DTYMK: variants seen among roughly 807,000 people sequenced by gnomAD.
DTYMK encodes deoxythymidylate kinase.
Under a neutral mutation model 20.3 loss-of-function variants are expected in DTYMK, and 20 were observed. The observed-to-expected ratio is 0.99, with a 90% CI of 0.69 to 1.43. The LOEUF (loss-of-function observed/expected upper bound fraction) is 1.43, where lower values mean the gene tolerates loss of function less well. Ranked by LOEUF, DTYMK falls within the 40% of genes most tolerant of loss-of-function variation. The pLI, the probability that DTYMK is intolerant of heterozygous loss-of-function variation, is 0.00. For synonymous variants in DTYMK, 148 were observed against 124.4 expected, an observed-to-expected ratio of 1.19 and a Z score of -1.27; for missense variants, 320 against 291.1, an observed-to-expected ratio of 1.10 and a Z score of -0.72.
Position 241,686,699 on chromosome 2 carries a change from C to T in DTYMK, c.85G>A (p.Ala29Thr), listed in dbSNP as rs758841162. 5.2e-6 allele frequency: 8 copies of T among 1,540,252 alleles called. No homozygotes were observed. The Admixed American group carries it at 1.4e-4, about 26-fold the overall frequency. The stretch of plus-strand genomic sequence containing the variant: ...GCGCGGTGGCCCGCGGCGCACAGCG[C>T]TTCCACCAGCTTGCGGCTCTGCGTG... ...KSTQSRKLVEALCAAGHRAEL... is the reference protein window; with the variant it reads ...KSTQSRKLVETLCAAGHRAEL... The change falls in exon 1 of 5, where the codon GCG becomes ACG. Residue 29 changes from alanine to threonine, a missense_variant. Physicochemically the swap from Ala to Thr is moderately conservative, Grantham distance 58. Transcript: ENST00000305784.
intron 2 of DTYMK, among the ~76,000 whole-genome samples, chr2:241,681,508 A>C (rs1416385517): frequency 6.6e-6 from 1 of 152,014 alleles, no homozygotes; most frequent in Non-Finnish European, 1.5e-5. Flanking sequence ...TGGGCAATAT[A>C]GTGAGACCCC....
In DTYMK at chr2:241,686,696, G is replaced by A. The variant is rs1487172010; in HGVS notation, c.88C>T (p.Leu30=). The change falls in exon 1 of 5, where the codon CTG becomes TTG. Residue 30 remains leucine, a synonymous_variant. Transcript: ENST00000305784. Reference sequence around the variant, plus strand: ...TCGGCGCGGTGGCCCGCGGCGCACAGCGCTTCCACCAGCTTGCGGCTCTGC... The same window carrying A: ...TCGGCGCGGTGGCCCGCGGCGCACAACGCTTCCACCAGCTTGCGGCTCTGC... ...STQSRKLVEA[L]CAAGHRAELL... is the part of the protein sequence containing the mutation. 8 of 1,538,986 alleles carry A rather than the reference G, an allele frequency of 5.2e-6. No homozygotes were observed. The highest frequency in any genetic ancestry group is 6.9e-6 in the Non-Finnish European group (8 of 1,154,598).
intron 2 of DTYMK, chr2:241,682,822 G>A (rs1230493446): frequency 5.6e-6 from 1 of 177,514 alleles, no homozygotes. Context: ...TACTTGAGAG[G>A]CTGAGGCAGG....
At chr2:241,685,200 T>TA (rs200526915) in intron 2 of DTYMK, 7 of 150,692 alleles carry the variant, frequency 4.6e-5, no homozygotes, top group Non-Finnish European at 8.7e-5. Context: ...TACCTTGTCT[T>TA]AAAAATAAAA....
chr2:241,679,923 C>T (rs1170779403), intron 3 of DTYMK, among the ~76,000 whole-genome samples: 6 of 143,780 alleles, frequency 4.2e-5, no homozygotes, highest in African/African-American at 7.7e-5. Flanking sequence ...GAGCTGAGAT[C>T]GTGCCACTGC....
intron 2 of DTYMK, chr2:241,682,276 G>T (rs923165463): frequency 6.6e-6 from 3 of 453,940 alleles, no homozygotes; most frequent in Non-Finnish European, 1.3e-5. Flanking sequence ...GGGAGGTCGA[G>T]GCTGCAGTAA....
chr2:241,683,765 CAT>C (rs1404369688), intron 2 of DTYMK, among the ~76,000 whole-genome samples: 1 of 152,078 alleles, frequency 6.6e-6, no homozygotes, highest in Non-Finnish European at 1.5e-5. Context: ...GCAAAAAAGA[CAT>C]GAACTATTGG....
rs756218463 is a variant in DTYMK, at chr2:241,676,229, A to G, written c.537T>C (p.Asp179=). The G allele has an allele frequency of 1.2e-6, 2 of 1,611,322 alleles. No homozygotes were observed. The highest frequency in any genetic ancestry group is 1.7e-5 in the Admixed American group (1 of 59,850). The change falls in exon 5 of 5, where the codon GAT becomes GAC. Residue 179 remains aspartate, a synonymous_variant. Transcript: ENST00000305784. The part of the protein sequence containing the change: ...KDTTLNWKMV[D]ASKSIEAVHE... ...GGACAGCTTCGATGCTTTTGGAAGC[A>G]TCCACCATCTGTTCCCACCGGGGTT... is the stretch of plus-strand genomic sequence containing the variant.
At chr2:241,685,519 G>A (rs900680402) in intron 2 of DTYMK, 6 of 339,132 alleles carry the variant, frequency 1.8e-5, no homozygotes, top group Admixed American at 1.3e-4. Flanking sequence ...GCGGAACTCC[G>A]TCTAAAAAAA....
In DTYMK at chr2:241,675,893, AG is replaced by A; in HGVS notation, c.*233del. 2.3e-6 allele frequency: 1 copy of A among 433,384 alleles called. No individual in the cohort carries two copies. The highest frequency in any genetic ancestry group is 4.1e-6 in the Non-Finnish European group (1 of 243,562). 26.8% of individuals were successfully genotyped at this position (433,384 alleles called of 1,614,324 possible). On this transcript the variant is annotated 3_prime_UTR_variant, in exon 5 of 5. Coordinates refer to ENST00000305784, the MANE Select transcript of DTYMK (RefSeq NM_012145.4). The stretch of plus-strand genomic sequence containing the variant: ...ACAGAGTGCCATCAGGACAGGGGAG[AG>A]GGCAGGAGACTGCTCCATCGCTCTG...
intron 2 of DTYMK, chr2:241,682,150 GCAA>G: frequency 2.4e-6 from 1 of 416,118 alleles, no homozygotes; most frequent in Non-Finnish European, 4.8e-6. Flanking sequence ...ACCAGCCTGG[GCAA>G]CAATAGTGAG....
chr2:241,682,044 T>TA lies in DTYMK; in HGVS notation c.240-1726dup, dbSNP rs908715182. The TA allele has an allele frequency of 8.1e-4, 251 of 309,840 alleles. 1 individual carries two copies. Among genetic ancestry groups the TA allele is most frequent in the African/African-American group, 1.3e-3 (56 of 43,442 alleles). The allele number at this position is 309,840 out of a possible 1,614,324, so 19.2% of individuals were successfully genotyped here. ...GGGCAACAGAGCAAGACATTTCTCC[T>TA]AAAAAAAAATAAGGCCAGGCAGGGT... is the stretch of plus-strand genomic sequence containing the variant. On this transcript the variant is annotated intron_variant, in intron 2 of 4. Coordinates refer to ENST00000305784, the MANE Select transcript of DTYMK (RefSeq NM_012145.4).
chr2:241,683,814 G>A (rs965834081), intron 2 of DTYMK, among the ~76,000 whole-genome samples: 3 of 152,102 alleles, frequency 2.0e-5, no homozygotes, highest in African/African-American at 7.2e-5. Flanking sequence ...TCCCAGCACT[G>A]TGGGAGGCCG....
chr2:241,682,354 AAG>A (rs1559286828), intron 2 of DTYMK: 5 of 380,624 alleles, frequency 1.3e-5, no homozygotes, highest in East Asian at 8.4e-5. Context: ...AAAAGAGAGA[AAG>A]AGAGTGAGAA....
intron 3 of DTYMK, among the ~76,000 whole-genome samples, chr2:241,679,933 C>G (rs1391239659): frequency 1.4e-5 from 2 of 145,970 alleles, no homozygotes; most frequent in East Asian, 4.1e-4. Context: ...CGTGCCACTG[C>G]ACTCCAGCCT....
chr2:241,679,102 G>A (rs1186592864), intron 3 of DTYMK, among the ~76,000 whole-genome samples: 5 of 152,246 alleles, frequency 3.3e-5, no homozygotes, highest in Non-Finnish European at 7.3e-5. Context: ...CCGTGGAAGA[G>A]CAGGAAGAAG....
intron 3 of DTYMK, 89 bp from the exon 4 acceptor site, chr2:241,678,738 T>C (rs554835083): frequency 5.6e-6 from 8 of 1,428,684 alleles, no homozygotes; most frequent in Non-Finnish European, 7.7e-6. Flanking sequence ...TGAGGGGACA[T>C]TTGGTGAGGT....
chr2:241,676,142 C>A lies in DTYMK; in HGVS notation c.624G>T (p.Gly208=). The change falls in exon 5 of 5, where the codon GGG becomes GGT. Residue 208 remains glycine, a synonymous_variant. Transcript: ENST00000305784. ...AIRTATEKPL[G]ELWK ...CAGCCTTGGGTCACTTCCATAGCTC[C>A]CCCAGCGGCTTCTCTGTGGCAGTGC... 2 of 1,612,180 alleles carry A rather than the reference C, an allele frequency of 1.2e-6. No individual in the cohort carries two copies. The highest frequency in any genetic ancestry group is 8.5e-7 in the Non-Finnish European group (1 of 1,179,106).
rs768398398 is a variant in DTYMK at position 241,686,638 on chromosome 2, C to A, written c.130+16G>T. On this transcript the variant is annotated intron_variant, in intron 1 of 4. Transcript: ENST00000305784. ...GCACCGAAGGCCGCGGCGCACCCCC[C>A]GCCGCGCGCACCCACCCGGGAACCG... 2.0e-6 allele frequency: 3 copies of A among 1,496,876 alleles called. No individual in the cohort carries two copies. 92.7% of individuals were successfully genotyped at this position (1,496,876 alleles called of 1,614,324 possible). A position where few individuals can be genotyped will look rare whatever the true frequency, so the allele number is the denominator to read the frequency against.
Sources: allele counts gnomAD v4.1 joint callset (sites outside exome capture counted in the v4.1 genomes callset), GRCh38; gene constraint gnomAD v4.1.1; transcripts MANE v1.5; gene names NCBI Gene and HGNC (gene_info 2026-07-23, HGNC 2026-07-21).